Variants in PDGFRL observed in about 807,000 individuals in gnomAD.
PDGFRL encodes platelet-derived growth factor receptor-like protein.
In PDGFRL, 46 loss-of-function variants were observed where a neutral mutation model predicts 37.2. The ratio of observed to expected loss-of-function variants is 1.24; its 90% CI spans 0.98 to 1.58. The LOEUF is 1.58. PDGFRL is among the 40% of genes most tolerant of loss of function. PDGFRL has a pLI of 0.00. For synonymous variants in PDGFRL, 251 were observed against 184.3 expected (o/e 1.36, Z -2.93); for missense variants, 692 against 467.6 (o/e 1.48, Z -4.43).
intron 2 of PDGFRL, among the ~76,000 whole-genome samples, chr8:17,590,736 G>T (rs2427708): frequency 2.0e-5 from 3 of 151,674 alleles, no homozygotes; most frequent in Non-Finnish European, 4.4e-5. Flanking sequence ...AAATCATACC[G>T]TGAAAGTTAA....
chr8:17,634,297 C>A (rs1400468095), intron 5 of PDGFRL, 84 bp downstream of exon 5: 8 of 1,101,152 alleles, frequency 7.3e-6, no homozygotes, highest in Non-Finnish European at 1.1e-5. Flanking sequence ...TTCGTCCCCA[C>A]CCAGTGCTAT....
intron 1 of PDGFRL, among the ~76,000 whole-genome samples, chr8:17,583,823 G>A (rs1335911719): frequency 6.6e-6 from 1 of 152,140 alleles, no homozygotes. Flanking sequence ...CTCTCCATGT[G>A]ATCTCTGCAT....
At chr8:17,624,855 C>G (rs1202200279) in intron 3 of PDGFRL, among the ~76,000 whole-genome samples, 1 of 152,208 alleles carries the variant, frequency 6.6e-6, no homozygotes, top group African/African-American at 2.4e-5. Flanking sequence ...GTCAAAGTTG[C>G]AGTGAGCCGA....
chr8:17,613,964 G>A (rs146481150), intron 2 of PDGFRL, among the ~76,000 whole-genome samples: 130 of 152,338 alleles, frequency 8.5e-4, no homozygotes, highest in Admixed American at 1.7e-3. Flanking sequence ...CAACGTAACT[G>A]GTTGTTGAGG....
rs560425436 is a variant in PDGFRL, at chr8:17,614,374, T to C, written c.354-6677T>C. Among the ~76,000 whole-genome samples the C allele has an allele frequency of 5.3e-5, 8 of 152,304 alleles. No individual in the cohort carries two copies. In the South Asian group the frequency reaches 1.2e-3, roughly 24 times the overall value. The stretch of plus-strand genomic sequence containing the variant: ...TACTCTGTTCATATGGCACGTTTCC[T>C]GCATATCATTCAGCCATTCTTCTCT... On this transcript the variant is annotated intron_variant, in intron 2 of 5. Transcript: ENST00000251630.
intron 4 of PDGFRL, among the ~76,000 whole-genome samples, chr8:17,632,239 G>T (rs2129818859): frequency 6.6e-6 from 1 of 152,244 alleles, no homozygotes; most frequent in Admixed American, 6.5e-5. Context: ...CTGCAAAAAA[G>T]GGATCAAGCT....
intron 3 of PDGFRL, among the ~76,000 whole-genome samples, chr8:17,623,691 A>G (rs1425282898): frequency 6.6e-6 from 1 of 152,148 alleles, no homozygotes; most frequent in Non-Finnish European, 1.5e-5. Context: ...CCTGGCCAAC[A>G]TGGAGAAATC....
chr8:17,600,214 A>T (rs2517170), intron 2 of PDGFRL, among the ~76,000 whole-genome samples: 39,809 of 151,968 alleles, frequency 0.26, 6,025 homozygotes, highest in African/African-American at 0.4. Flanking sequence ...CACTAAATCC[A>T]GAGTTCGCTT....
At chr8:17,624,077 C>T (rs1200018749) in intron 3 of PDGFRL, among the ~76,000 whole-genome samples, 1 of 152,072 alleles carries the variant, frequency 6.6e-6, no homozygotes, top group Non-Finnish European at 1.5e-5. Flanking sequence ...TTTGTCAACA[C>T]TAAGCTAGGA....
At chr8:17,577,153 T>A (rs527841629), upstream of PDGFRL, 8 of 1,506,940 alleles carry the variant, frequency 5.3e-6, no homozygotes, top group Non-Finnish European at 7.1e-6. Context: ...ATCCTCCCGC[T>A]TCGGCGTCCC....
chr8:17,589,580 C>T lies in PDGFRL; in HGVS notation c.168C>T (p.Asp56=), dbSNP rs544867911. Residue 56 remains aspartate (D), a synonymous_variant, in exon 2 of 6, where the codon GAC becomes GAT. Coordinates refer to ENST00000251630, the MANE Select transcript of PDGFRL (RefSeq NM_001372073.1). Reference sequence around the variant, plus strand: ...AAATTCCTAAAATGAAGGACAGGGACTCAGCCAATTCAGCACCAAAGACGC... The same window carrying T: ...AAATTCCTAAAATGAAGGACAGGGATTCAGCCAATTCAGCACCAAAGACGC... ...KPKIPKMKDR[D]SANSAPKTQS... 12 of 1,613,814 alleles carry T rather than the reference C, an allele frequency of 7.4e-6. No homozygotes were observed. The South Asian group carries it at 1.3e-4, about 18-fold the overall frequency.
At chr8:17,638,787 A>ATATATATAAATATATATAT (rs58571745) in intron 5 of PDGFRL, among the ~76,000 whole-genome samples, 1 of 91,816 alleles carries the variant, frequency 1.1e-5, no homozygotes, top group South Asian at 3.5e-4. Context: ...ATATATATAT[A>ATATATATAAATATATATAT]ATTGTGATAT....
intron 2 of PDGFRL, among the ~76,000 whole-genome samples, chr8:17,616,113 G>A (rs548083767): frequency 6.6e-6 from 1 of 151,982 alleles, no homozygotes; most frequent in African/African-American, 2.4e-5. Flanking sequence ...GGTGGAGCTG[G>A]GATTTGAATC....
At chr8:17,597,827 A>C (rs577723521) in intron 2 of PDGFRL, among the ~76,000 whole-genome samples, 1 of 152,192 alleles carries the variant, frequency 6.6e-6, no homozygotes, top group Non-Finnish European at 1.5e-5. Flanking sequence ...GACCCACTCA[A>C]CTATGAATTT....
At chr8:17,599,344 G>A (rs1018538083) in intron 2 of PDGFRL, among the ~76,000 whole-genome samples, 12 of 152,042 alleles carry the variant, frequency 7.9e-5, no homozygotes, top group South Asian at 2.1e-4. Flanking sequence ...TCATTCTTAC[G>A]CCTTTGTGTC....
intron 2 of PDGFRL, among the ~76,000 whole-genome samples, chr8:17,590,033 T>C (rs1803901568): frequency 6.6e-6 from 1 of 150,614 alleles, no homozygotes. Context: ...AGATCGAGGC[T>C]ATCCTGGCTA....
chr8:17,604,050 A>G (rs1009483140), intron 2 of PDGFRL, among the ~76,000 whole-genome samples: 1 of 152,128 alleles, frequency 6.6e-6, no homozygotes. Context: ...GGTGAGGCAG[A>G]CCATGGAGGG....
At chr8:17,582,339 C>T (rs1243155028) in intron 1 of PDGFRL, among the ~76,000 whole-genome samples, 2 of 152,044 alleles carry the variant, frequency 1.3e-5, no homozygotes, top group Non-Finnish European at 2.9e-5. Context: ...CCTGTAATCC[C>T]AGCACTTTGG....
intron 2 of PDGFRL, among the ~76,000 whole-genome samples, chr8:17,617,943 A>G (rs1804560561): frequency 6.6e-6 from 1 of 152,026 alleles, no homozygotes. Flanking sequence ...GTGGCCAGAA[A>G]TTATTGTCCA....
Sources: allele counts gnomAD v4.1 joint callset (sites outside exome capture counted in the v4.1 genomes callset), GRCh38; gene constraint gnomAD v4.1.1; transcripts MANE v1.5; gene names NCBI Gene and HGNC (gene_info 2026-07-23, HGNC 2026-07-21).